The following SLC6A19 variants were observed in gnomAD, a reference collection of about 807,000 sequenced individuals.
SLC6A19 encodes the protein sodium-dependent neutral amino acid transporter B(0)AT1.
In SLC6A19, 67 loss-of-function variants were observed where a neutral mutation model predicts 68.3. The observed-to-expected ratio is 0.98, with a 90% CI of 0.81 to 1.20. The LOEUF is 1.20. Ranked by LOEUF, SLC6A19 falls within the 50% of genes most tolerant of loss-of-function variation. SLC6A19 has a pLI of 0.00. For synonymous variants in SLC6A19, 392 were observed against 374.9 expected (o/e 1.05, Z -0.53); for missense variants, 813 against 851.6 (o/e 0.95, Z 0.56).
In SLC6A19 at chr5:1,213,402, C is replaced by T. The variant is rs1028045594; in HGVS notation, c.664-61C>T. On this transcript the variant is annotated intron_variant, in intron 4 of 11. Coordinates refer to ENST00000304460, the MANE Select transcript of SLC6A19 (RefSeq NM_001003841.3). Reference sequence around the variant, plus strand: ...CCATATGCCCCGCCCCCACGTGCCGCCCCCACCGCATGCCTGGCCCCCCAA... The same window carrying T: ...CCATATGCCCCGCCCCCACGTGCCGTCCCCACCGCATGCCTGGCCCCCCAA... 3.3e-6 allele frequency: 3 copies of T among 920,914 alleles called. No homozygotes were observed. In the African/African-American group the frequency reaches 9.0e-5, roughly 28 times the overall value. The allele number at this position is 920,914 out of a possible 1,614,324, so 57.0% of individuals were successfully genotyped here. A position where few individuals can be genotyped will look rare whatever the true frequency, so the allele number is the denominator to read the frequency against.
In SLC6A19 at chr5:1,216,643, A is replaced by C; in HGVS notation, c.973A>C (p.Ile325Leu). 2 of 1,614,036 alleles carry C rather than the reference A, an allele frequency of 1.2e-6. No individual in the cohort carries two copies. The highest frequency in any genetic ancestry group is 1.7e-6 in the Non-Finnish European group (2 of 1,180,036). ...VYVAIVVYSV[I>L]GFRATQRYDD... ...TGTGGCCATCGTGGTCTACTCCGTC[A>C]TTGGGTTCCGCGCCACACAGCGCTA... The change falls in exon 7 of 12, where the codon ATT becomes CTT. Residue 325 changes from isoleucine to leucine, a missense_variant. Transcript: ENST00000304460.
intron 6 of SLC6A19, among the ~76,000 whole-genome samples, 157 bp from the exon 7 acceptor site, chr5:1,216,401 A>C (rs1042111520): frequency 1.3e-5 from 2 of 152,056 alleles, no homozygotes; most frequent in African/African-American, 4.8e-5. Context: ...GCCTGCTCGG[A>C]GTGGGGCAGG....
At chr5:1,210,203 C>T (rs557328617) in intron 2 of SLC6A19, among the ~76,000 whole-genome samples, 3 of 152,068 alleles carry the variant, frequency 2.0e-5, no homozygotes, top group East Asian at 1.9e-4. Flanking sequence ...AGGTGTGAGC[C>T]GGGAAGGCGT....
intron 1 of SLC6A19, 85 bp downstream of exon 1, chr5:1,201,937 C>T (rs993642735): frequency 2.0e-5 from 30 of 1,474,400 alleles, no homozygotes; most frequent in Admixed American, 6.0e-5. Context: ...ACATCCTCCC[C>T]GGACCCTCGG....
rs1270599156 is a variant in SLC6A19 at position 1,222,448 on chromosome 5, G to C, written c.*544G>C. The C allele has an allele frequency of 4.6e-6, 2 of 434,496 alleles. No individual in the cohort carries two copies. Among genetic ancestry groups the C allele is most frequent in the Non-Finnish European group, 8.1e-6 (2 of 248,314 alleles). 26.9% of individuals were successfully genotyped at this position (434,496 alleles called of 1,614,324 possible). A position where few individuals can be genotyped will look rare whatever the true frequency, so the allele number is the denominator to read the frequency against. On this transcript the variant is annotated 3_prime_UTR_variant, in exon 12 of 12. Transcript: ENST00000304460. ...ATGCAATTGTGTGTATGTGTGTTCT[G>C]TGTGTGCGTTTGCAAGTATATATGC...
At chr5:1,219,463 C>A (rs1470225641) in intron 9 of SLC6A19, 42 bp from the exon 10 acceptor site, 1 of 1,605,566 alleles carries the variant, frequency 6.2e-7, no homozygotes, top group Non-Finnish European at 8.5e-7. Context: ...GCCGTGCGTG[C>A]AGCCCCTGGG....
chr5:1,213,190 G>T (rs1746095370), intron 4 of SLC6A19, among the ~76,000 whole-genome samples: 1 of 99,754 alleles, frequency 1.0e-5, no homozygotes, highest in African/African-American at 4.2e-5. Flanking sequence ...GACTCCACAG[G>T]CCTGGCCCCC....
At chr5:1,203,994 G>A (rs1561160554) in intron 1 of SLC6A19, among the ~76,000 whole-genome samples, 1 of 152,190 alleles carries the variant, frequency 6.6e-6, no homozygotes, top group Non-Finnish European at 1.5e-5. Context: ...AAAACAGTGG[G>A]GCAGGCTGCG....
intron 11 of SLC6A19, 125 bp downstream of exon 11, chr5:1,221,438 C>A: frequency 2.4e-6 from 3 of 1,265,628 alleles, no homozygotes; most frequent in South Asian, 1.3e-5. Flanking sequence ...CACACACACT[C>A]ACACTCAGGT....
chr5:1,220,091 G>C (rs1746335140), intron 10 of SLC6A19, among the ~76,000 whole-genome samples: 1 of 152,130 alleles, frequency 6.6e-6, no homozygotes, highest in South Asian at 2.1e-4. Flanking sequence ...AGGGACTCTT[G>C]GTTGGAGCCA....
Position 1,224,824 on chromosome 5 carries a change from T to A in SLC6A19, c.*2920T>A, listed in dbSNP as rs1292074162. 6.5e-6 allele frequency: 1 copy of A among 152,828 alleles called. No homozygotes were observed. Among genetic ancestry groups the A allele is most frequent in the Non-Finnish European group, 1.5e-5 (1 of 68,492 alleles). 9.5% of individuals were successfully genotyped at this position (152,828 alleles called of 1,614,324 possible). On this transcript the variant is annotated 3_prime_UTR_variant, in exon 12 of 12. Coordinates refer to ENST00000304460, the MANE Select transcript of SLC6A19 (RefSeq NM_001003841.3). ...GCTGAACTCACCCGGCGTCAACTCA[T>A]CAACCCTCCACCCATGGACAGGGGT...
rs1205035139 is a variant in SLC6A19, at chr5:1,212,289, G to A, written c.482-14G>A. The stretch of plus-strand genomic sequence containing the variant: ...GACCCGTACCCTGAGGTGTGTGAAT[G>A]GCCCTCTCCCCAGGGTATGTGGACG... On this transcript the variant is annotated splice_polypyrimidine_tract_variant and intron_variant, in intron 3 of 11. Transcript: ENST00000304460. The surrounding 1 kb of genome is among the most constrained non-coding windows in gnomAD (Gnocchi z 5.1). The A allele has an allele frequency of 6.2e-7, 1 of 1,612,882 alleles. No individual in the cohort carries two copies. The highest frequency in any genetic ancestry group is 8.5e-7 in the Non-Finnish European group (1 of 1,179,882).
chr5:1,214,154 G>A lies in SLC6A19; in HGVS notation c.887+89G>A. ...TAAAAGACAAGGTGGAAAGCACTCT[G>A]TGGCTGTGTGGCCGGGGCCTTGCTG... On this transcript the variant is annotated intron_variant, in intron 6 of 11. Coordinates refer to ENST00000304460, the MANE Select transcript of SLC6A19 (RefSeq NM_001003841.3). The surrounding 1 kb of genome is among the most constrained non-coding windows in gnomAD (Gnocchi z 7.4). 1.9e-6 allele frequency: 3 copies of A among 1,586,840 alleles called. No homozygotes were observed. Among genetic ancestry groups the A allele is most frequent in the Non-Finnish European group, 2.6e-6 (3 of 1,167,236 alleles).
chr5:1,208,420 C>T (rs1277726645), intron 1 of SLC6A19, among the ~76,000 whole-genome samples: 1 of 152,182 alleles, frequency 6.6e-6, no homozygotes, highest in Non-Finnish European at 1.5e-5. Context: ...GAGGTCGATT[C>T]CCAGGCAGCG....
In SLC6A19 at chr5:1,219,636, T is replaced by C. The variant is rs1044830349; in HGVS notation, c.1510T>C (p.Ser504Pro). Residue 504 changes from serine to proline, a missense_variant, in exon 10 of 12, where the codon TCT (serine) becomes CCT (proline). Physicochemically the swap from Ser to Pro is moderately conservative, Grantham distance 74. Coordinates refer to ENST00000304460, the MANE Select transcript of SLC6A19 (RefSeq NM_001003841.3). ...LLIIAFCEMF[S>P]VVYVYGVDRF... is the part of the protein sequence containing the mutation. Reference sequence around the variant, plus strand: ...CATCATCGCCTTCTGCGAGATGTTCTCTGTGGTCTACGTGTACGGTGTGGA... The same window carrying C: ...CATCATCGCCTTCTGCGAGATGTTCCCTGTGGTCTACGTGTACGGTGTGGA... 1 of 1,607,868 alleles carries C rather than the reference T, an allele frequency of 6.2e-7. No individual in the cohort carries two copies. The highest frequency in any genetic ancestry group is 8.5e-7 in the Non-Finnish European group (1 of 1,180,008).
chr5:1,208,917 C>T, intron 2 of SLC6A19, 31 bp downstream of exon 2: 1 of 1,593,528 alleles, frequency 6.3e-7, no homozygotes, highest in Non-Finnish European at 8.5e-7. Context: ...CCACCCGGGC[C>T]CAGGGGTCGC....
At chr5:1,221,024 G>A in intron 10 of SLC6A19, 127 bp from the exon 11 acceptor site, 1 of 1,193,220 alleles carries the variant, frequency 8.4e-7, no homozygotes, top group Non-Finnish European at 1.2e-6. Flanking sequence ...GGAGGGATCG[G>A]GCCCTGGCAA....
rs1429122687 is a variant in SLC6A19 at position 1,222,047 on chromosome 5, T to C, written c.*143T>C. 10 of 878,922 alleles carry C rather than the reference T, an allele frequency of 1.1e-5. No homozygotes were observed. The highest frequency in any genetic ancestry group is 1.8e-5 in the Non-Finnish European group (10 of 565,410). The allele number at this position is 878,922 out of a possible 1,614,324, so 54.4% of individuals were successfully genotyped here. ...TGTGAGTGTGTGTATTGTACACGCA[T>C]GTGCCATGTGTGCAGATATGTATCG... On this transcript the variant is annotated 3_prime_UTR_variant, in exon 12 of 12. Transcript: ENST00000304460.
At position 1,215,590 on chromosome 5, in the gene SLC6A19, G is replaced by A. The variant is rs1240879077; in HGVS notation, c.888-968G>A. ...CAGCCGGCGTCAGAGCGCCATTCCT[G>A]TTTAGGGCTGAGCAATATTTCATGG... is the stretch of plus-strand genomic sequence containing the variant. On this transcript the variant is annotated intron_variant, in intron 6 of 11. Coordinates refer to ENST00000304460, the MANE Select transcript of SLC6A19 (RefSeq NM_001003841.3). This position sits in a 1 kb window ranked among gnomAD's most constrained non-coding sequence, Gnocchi z 5.1. Among the ~76,000 whole-genome samples the A allele has an allele frequency of 6.6e-6, 1 of 152,234 alleles. No individual in the cohort carries two copies. The highest frequency in any genetic ancestry group is 6.5e-5 in the Admixed American group (1 of 15,282).
Sources: gnomAD v4.1 joint callset for allele counts (sites outside exome capture counted in the v4.1 genomes callset) on GRCh38, gnomAD v4.1.1 for gene constraint, Gnocchi (gnomAD v3.1) non-coding constraint, MANE v1.5 for transcripts, NCBI Gene and HGNC (gene_info 2026-07-23, HGNC 2026-07-21) for gene names.